CCDC141: variants seen among roughly 807,000 people sequenced by gnomAD.
CCDC141 encodes coiled-coil domain containing 141.
In CCDC141, 168 loss-of-function variants were observed where a neutral mutation model predicts 181.0. The observed-to-expected ratio is 0.93, with a 90% CI of 0.82 to 1.05. CCDC141 has a LOEUF of 1.05. Ranked by LOEUF, CCDC141 falls within the 50% of genes least tolerant of loss-of-function variation. CCDC141 has a pLI of 0.00. For synonymous variants in CCDC141, 666 were observed against 642.3 expected, an observed-to-expected ratio of 1.04 and a Z score of -0.56; for missense variants, 1,902 against 1,788.5, an observed-to-expected ratio of 1.06 and a Z score of -1.14.
At position 178,841,232 on chromosome 2, in the gene CCDC141, A is replaced by C. The variant is rs550662256; in HGVS notation, c.3475-3488T>G. On this transcript the variant is annotated intron_variant, in intron 22 of 23. Coordinates refer to ENST00000443758, the MANE Select transcript of CCDC141 (RefSeq NM_173648.4). ...TTGTCTCCAAAGTTGACGTTGATGAACTACTTAACACTCTTGAGTACAATT... is the reference window on the plus strand; with the variant it reads ...TTGTCTCCAAAGTTGACGTTGATGACCTACTTAACACTCTTGAGTACAATT... Among the ~76,000 whole-genome samples the C allele has an allele frequency of 2.6e-5, 4 of 152,228 alleles. No homozygotes were observed. The East Asian group carries it at 7.7e-4, about 29-fold the overall frequency.
chr2:178,820,774 T>C, the CCDC141 span, among the ~76,000 whole-genome samples: 7 of 152,202 alleles, frequency 4.6e-5, no homozygotes, highest in East Asian at 1.2e-3. Flanking sequence ...TTAATGTCTA[T>C]ATAATAAAGG....
chr2:178,823,340 C>G, the CCDC141 span, among the ~76,000 whole-genome samples: 1 of 152,082 alleles, frequency 6.6e-6, no homozygotes, highest in African/African-American at 2.4e-5. Context: ...TTAAGGAATT[C>G]CCAGTAAAGC....
intron 4 of CCDC141, among the ~76,000 whole-genome samples, chr2:178,974,723 T>G (rs184765810): frequency 1.3e-5 from 2 of 152,264 alleles, no homozygotes; most frequent in Admixed American, 1.3e-4. Context: ...CTAAGAAAAT[T>G]TCTTTAGGAT....
intron 4 of CCDC141, among the ~76,000 whole-genome samples, chr2:178,968,700 A>T (rs1690744183): frequency 6.6e-6 from 1 of 152,174 alleles, no homozygotes. Flanking sequence ...CCGCAAACAA[A>T]TTCAAAATCT....
chr2:178,861,649 A>AAT (rs1468379620), intron 17 of CCDC141, among the ~76,000 whole-genome samples: 1 of 151,776 alleles, frequency 6.6e-6, no homozygotes, highest in Non-Finnish European at 1.5e-5. Context: ...AAAAAAAAAA[A>AAT]AAAAGTTTTT....
intron 6 of CCDC141, among the ~76,000 whole-genome samples, chr2:178,939,049 G>A (rs920868102): frequency 1.3e-5 from 2 of 152,012 alleles, no homozygotes; most frequent in African/African-American, 4.8e-5. Flanking sequence ...TAGAAAGCCT[G>A]CTAATTCAAG....
At chr2:179,015,112 TATA>T (rs1559048835) in intron 2 of CCDC141, among the ~76,000 whole-genome samples, 4 of 28,122 alleles carry the variant, frequency 1.4e-4, no homozygotes, top group Non-Finnish European at 5.3e-4. Flanking sequence ...ATAATATATA[TATA>T]ATCATATATA....
intron 19 of CCDC141, among the ~76,000 whole-genome samples, chr2:178,855,062 T>C (rs893172675): frequency 6.6e-6 from 1 of 152,190 alleles, no homozygotes; most frequent in Non-Finnish European, 1.5e-5. Context: ...AACATCTTCA[T>C]CTGATGAGGT....
At chr2:178,960,172 T>C (rs534594892) in intron 5 of CCDC141, among the ~76,000 whole-genome samples, 1 of 152,298 alleles carries the variant, frequency 6.6e-6, no homozygotes, top group East Asian at 1.9e-4. Context: ...AGTGCCAAGG[T>C]TGAGAAACAC....
chr2:179,042,762 A>G (rs1445011373), intron 2 of CCDC141, among the ~76,000 whole-genome samples: 1 of 152,218 alleles, frequency 6.6e-6, no homozygotes, highest in African/African-American at 2.4e-5. Flanking sequence ...GACATCATAA[A>G]GCTAGAAAAA....
intron 20 of CCDC141, among the ~76,000 whole-genome samples, chr2:178,850,912 A>G (rs1308475119): frequency 1.3e-5 from 2 of 152,218 alleles, no homozygotes; most frequent in East Asian, 1.9e-4. Context: ...GTGATGCTCA[A>G]AAGATCTTCT....
In CCDC141 at chr2:178,872,271, G is replaced by C. The variant is rs745645107; in HGVS notation, c.1941C>G (p.Tyr647Ter). 1.9e-6 allele frequency: 3 copies of C among 1,613,444 alleles called. No individual in the cohort carries two copies. In the African/African-American group the frequency reaches 4.0e-5, roughly 22 times the overall value. ...NEILDVKNEV[Y>*]LMKNTMENQK... ...GGTTTTCCATGGTGTTCTTCATGAG[G>C]TACACTTCATTTTTCACATCTAATA... Residue 647 changes from tyrosine to a stop codon, truncating the protein, a stop_gained, in exon 13 of 24, where the codon TAC (tyrosine) becomes TAG (stop). Coordinates refer to ENST00000443758, the MANE Select transcript of CCDC141 (RefSeq NM_173648.4). LOFTEE classifies it high-confidence loss of function.
At chr2:178,980,483 C>A (rs1008088490) in intron 2 of CCDC141, among the ~76,000 whole-genome samples, 4 of 152,068 alleles carry the variant, frequency 2.6e-5, no homozygotes, top group Non-Finnish European at 4.4e-5. Context: ...CAAAAACTGT[C>A]CTAATTTTGT....
chr2:179,003,516 A>C (rs1312660488), intron 2 of CCDC141, among the ~76,000 whole-genome samples: 5 of 151,844 alleles, frequency 3.3e-5, no homozygotes, highest in Non-Finnish European at 5.9e-5. Context: ...GCTCTTAGTA[A>C]AGTGCCTCAA....
chr2:179,025,363 C>T (rs144917806), intron 2 of CCDC141, among the ~76,000 whole-genome samples: 14 of 152,194 alleles, frequency 9.2e-5, no homozygotes, highest in Admixed American at 6.5e-4. Context: ...GACTGAATTA[C>T]GGGGGTGGGT....
In CCDC141 at chr2:179,030,459, T is replaced by C. The variant is rs563335083; in HGVS notation, c.225+16825A>G. 1.6e-4 allele frequency among the ~76,000 whole-genome samples: 25 copies of C among 152,170 alleles called. 1 individual carries two copies. The highest frequency in any genetic ancestry group is 6.0e-4 in the African/African-American group (25 of 41,566). ...ACCATAAAAAATCCACTGAGCAATA[T>C]TTGAGCAATGGATGAACACTGAACA... On this transcript the variant is annotated intron_variant, in intron 2 of 23. Coordinates refer to ENST00000443758, the MANE Select transcript of CCDC141 (RefSeq NM_173648.4).
intron 2 of CCDC141, chr2:179,002,463 G>A (rs376155737): frequency 2.5e-6 from 1 of 403,990 alleles, no homozygotes; most frequent in East Asian, 8.5e-5. Flanking sequence ...GCCCAAAAGA[G>A]CTAGCAGAAT....
At chr2:178,915,507 G>A (rs866854068) in intron 7 of CCDC141, among the ~76,000 whole-genome samples, 24 of 152,162 alleles carry the variant, frequency 1.6e-4, no homozygotes, top group Admixed American at 1.5e-3. Flanking sequence ...AAAGTATATT[G>A]ACATAGCTTC....
At position 178,835,702 on chromosome 2, in the gene CCDC141, C is replaced by G. The variant is rs377107914; in HGVS notation, c.4325+1192G>C. 10 of 152,266 alleles carry G rather than the reference C, an allele frequency of 6.6e-5. 1 individual carries two copies. In the East Asian group the frequency reaches 1.9e-3, roughly 29 times the overall value. The allele number at this position is 152,266 out of a possible 1,614,324, so 9.4% of individuals were successfully genotyped here. On this transcript the variant is annotated intron_variant, in intron 23 of 23. Coordinates refer to ENST00000443758, the MANE Select transcript of CCDC141 (RefSeq NM_173648.4). ...GCTTCTTTAACCACACACATACTAACCAAATTATTAATATTTACTGTGTGG... is the reference window on the plus strand; with the variant it reads ...GCTTCTTTAACCACACACATACTAAGCAAATTATTAATATTTACTGTGTGG...
Sources: gnomAD v4.1 joint callset for allele counts (sites outside exome capture counted in the v4.1 genomes callset) on GRCh38, gnomAD v4.1.1 for gene constraint, MANE v1.5 for transcripts, NCBI Gene and HGNC (gene_info 2026-07-23, HGNC 2026-07-21) for gene names.